The following UBE4B variants were observed in gnomAD, a reference collection of about 807,000 sequenced individuals.
UBE4B encodes ubiquitin conjugation factor E4 B.
UBE4B carries 27 observed loss-of-function variants against 148.1 expected under a neutral mutation model. That is an observed-to-expected ratio of 0.18 (90% CI 0.13 to 0.25). UBE4B has a LOEUF of 0.25. Ranked by LOEUF, UBE4B falls within the 10% of genes least tolerant of loss-of-function variation. UBE4B has a pLI of 1.00. For missense variants in UBE4B, 1,170 were observed against 1,662.4 expected, an observed-to-expected ratio of 0.70 and a Z score of 5.15; for synonymous variants, 596 against 619.3, an observed-to-expected ratio of 0.96 and a Z score of 0.56.
intron 17 of UBE4B, among the ~76,000 whole-genome samples, chr1:10,138,968 A>G (rs1461833144): frequency 1.3e-5 from 2 of 152,174 alleles, no homozygotes; most frequent in East Asian, 1.9e-4. Flanking sequence ...ATGTTTTTAT[A>G]TCTAATTGGA....
At chr1:10,153,289 TGAGCCTAA>T (rs1646008587) in intron 21 of UBE4B, among the ~76,000 whole-genome samples, 1 of 151,366 alleles carries the variant, frequency 6.6e-6, no homozygotes, top group Admixed American at 6.6e-5. Context: ...GAGGATTGTT[TGAGCCTAA>T]GAGTTGGAGA....
intron 3 of UBE4B, among the ~76,000 whole-genome samples, chr1:10,098,444 C>T (rs182219944): frequency 6.6e-6 from 1 of 152,244 alleles, no homozygotes; most frequent in African/African-American, 2.4e-5. Context: ...TCCACAGGCT[C>T]CCCAGAATTT....
chr1:10,147,435 T>C (rs1570978870), intron 19 of UBE4B, among the ~76,000 whole-genome samples: 1 of 151,986 alleles, frequency 6.6e-6, no homozygotes, highest in Non-Finnish European at 1.5e-5. Flanking sequence ...GGAGGTTGCA[T>C]TGAGCCGAGA....
intron 5 of UBE4B, among the ~76,000 whole-genome samples, chr1:10,103,595 G>A (rs1167784468): frequency 6.8e-6 from 1 of 146,362 alleles, no homozygotes; most frequent in Non-Finnish European, 1.5e-5. Flanking sequence ...ACCACGCCCA[G>A]CTAATTTTTG....
chr1:10,154,088 C>T (rs1646025522), intron 21 of UBE4B, among the ~76,000 whole-genome samples: 1 of 149,730 alleles, frequency 6.7e-6, no homozygotes, highest in African/African-American at 2.5e-5. Context: ...GTCTCAAAAA[C>T]AAAAATTAGC....
chr1:10,114,519 C>A (rs1235817594), intron 7 of UBE4B, among the ~76,000 whole-genome samples: 3 of 151,992 alleles, frequency 2.0e-5, no homozygotes, highest in Non-Finnish European at 4.4e-5. Flanking sequence ...CAGCAGATAC[C>A]AGATCCTGCC....
chr1:10,158,267 C>T, intron 21 of UBE4B, 89 bp from the exon 22 acceptor site: 3 of 1,493,796 alleles, frequency 2.0e-6, no homozygotes, highest in Non-Finnish European at 1.8e-6. Flanking sequence ...TGCAGGTTTA[C>T]ATTCACTCAG....
At chr1:10,041,573 G>T (rs776899566) in intron 1 of UBE4B, among the ~76,000 whole-genome samples, 38 of 151,936 alleles carry the variant, frequency 2.5e-4, no homozygotes, top group Non-Finnish European at 5.0e-4. Context: ...GACCTCAGGC[G>T]ATCCCCCCGC....
intron 1 of UBE4B, among the ~76,000 whole-genome samples, chr1:10,038,384 T>C (rs974764398): frequency 2.0e-5 from 3 of 152,114 alleles, no homozygotes; most frequent in African/African-American, 7.2e-5. Context: ...TGGAAGAAAA[T>C]TGACATTAAA....
chr1:10,151,078 G>C (rs1557599023), intron 20 of UBE4B, among the ~76,000 whole-genome samples: 1 of 151,368 alleles, frequency 6.6e-6, no homozygotes, highest in Non-Finnish European at 1.5e-5. Flanking sequence ...CAGGAGAATG[G>C]CGTGAACCTG....
At chr1:10,116,833 C>G (rs970330088) in intron 7 of UBE4B, among the ~76,000 whole-genome samples, 1 of 152,226 alleles carries the variant, frequency 6.6e-6, no homozygotes, top group African/African-American at 2.4e-5. Flanking sequence ...GGGGTTGAGA[C>G]TAGAACCCAC....
chr1:10,120,709 G>A (rs1413447851), intron 9 of UBE4B, among the ~76,000 whole-genome samples: 1 of 151,342 alleles, frequency 6.6e-6, no homozygotes, highest in East Asian at 1.9e-4. Context: ...ATGGTGGCAC[G>A]CACCTGTAAT....
At chr1:10,157,058 C>T (rs935323290) in intron 21 of UBE4B, among the ~76,000 whole-genome samples, 2 of 152,118 alleles carry the variant, frequency 1.3e-5, no homozygotes, top group Non-Finnish European at 2.9e-5. Context: ...CTTTGTCGCC[C>T]AGGCTGGAGT....
At chr1:10,142,860 C>T (rs1645805442) in intron 17 of UBE4B, among the ~76,000 whole-genome samples, 1 of 151,684 alleles carries the variant, frequency 6.6e-6, no homozygotes, top group Non-Finnish European at 1.5e-5. Context: ...TGTATCGCAG[C>T]ACTTTGGGAG....
At chr1:10,151,664 C>T in intron 21 of UBE4B, 103 bp downstream of exon 21, 1 of 990,808 alleles carries the variant, frequency 1.0e-6, no homozygotes, top group Non-Finnish European at 1.5e-6. Context: ...TAATATCCTG[C>T]TACCTGTGTG....
rs1645976544 is a variant in UBE4B, at chr1:10,151,609, A to G, written c.2926+48A>G. 2.6e-6 allele frequency: 4 copies of G among 1,532,240 alleles called. No homozygotes were observed. The South Asian group carries it at 4.7e-5, about 18-fold the overall frequency. 94.9% of individuals were successfully genotyped at this position (1,532,240 alleles called of 1,614,324 possible). ...AGCACATGGCAGGCCAACTTAGGTA[A>G]GGTCATCTAAAGCTAGTGGACGACG... On this transcript the variant is annotated intron_variant, in intron 21 of 27. Coordinates refer to ENST00000343090, the MANE Select transcript of UBE4B (RefSeq NM_001105562.3).
intron 22 of UBE4B, among the ~76,000 whole-genome samples, chr1:10,159,554 G>A (rs1217572202): frequency 1.3e-5 from 2 of 152,056 alleles, no homozygotes; most frequent in Non-Finnish European, 2.9e-5. Context: ...GCGCGGTGGC[G>A]GGCGCCTGTA....
chr1:10,133,206 A>G (rs1645624749), intron 15 of UBE4B, among the ~76,000 whole-genome samples: 5 of 151,928 alleles, frequency 3.3e-5, no homozygotes, highest in Admixed American at 3.3e-4. Context: ...CTTGACTAGT[A>G]ATAAATAATG....
At chr1:10,153,490 TAAAAAAAA>T (rs1045427991) in intron 21 of UBE4B, among the ~76,000 whole-genome samples, 4 of 49,216 alleles carry the variant, frequency 8.1e-5, no homozygotes, top group African/African-American at 3.4e-4. Context: ...ACCCTGTTTC[TAAAAAAAA>T]AAAAAAAAAA....
Sources: allele counts gnomAD v4.1 joint callset (sites outside exome capture counted in the v4.1 genomes callset), GRCh38; gene constraint gnomAD v4.1.1; transcripts MANE v1.5; gene names NCBI Gene and HGNC (gene_info 2026-07-23, HGNC 2026-07-21).